The following DMXL2 variants were observed in gnomAD, a reference collection of about 807,000 sequenced individuals.
DMXL2 encodes Dmx like 2, also known as dmX-like protein 2.
DMXL2 carries 103 observed loss-of-function variants against 331.1 expected under a neutral mutation model. The observed-to-expected ratio is 0.31, with a 90% CI of 0.27 to 0.37. DMXL2 has a LOEUF of 0.37. DMXL2 is among the 10% of genes least tolerant of loss of function. DMXL2 has a pLI of 1.00. For synonymous variants in DMXL2, 1,281 were observed against 1,252.1 expected (o/e 1.02, Z -0.49); for missense variants, 3,171 against 3,642.9 (o/e 0.87, Z 3.33).
At chr15:51,573,435 T>C (rs914839007) in intron 2 of DMXL2, among the ~76,000 whole-genome samples, 6 of 152,064 alleles carry the variant, frequency 3.9e-5, no homozygotes, top group Non-Finnish European at 7.4e-5. Flanking sequence ...AGCAAAGACT[T>C]AGAACCAACC....
intron 6 of DMXL2, among the ~76,000 whole-genome samples, chr15:51,559,209 T>TG (rs1197692079): frequency 6.6e-6 from 1 of 152,168 alleles, no homozygotes; most frequent in Non-Finnish European, 1.5e-5. Context: ...GAGCAACTAA[T>TG]GGAGTGGGAG....
At position 51,499,089 on chromosome 15, in the gene DMXL2, C is replaced by T. The variant is rs928589877; in HGVS notation, c.4135G>A (p.Val1379Ile). The change falls in exon 18 of 44, where the codon GTA (valine) becomes ATA (isoleucine). Residue 1379 changes from valine to isoleucine, a missense_variant. Physicochemically the swap from Val to Ile is conservative, Grantham distance 29. Transcript: ENST00000560891. ...GCATCAGGATCTCTAACTATTGCTA[C>T]TTCACCTGCAATACATTTTACTAAA... is the stretch of plus-strand genomic sequence containing the variant. ...SHLVKCIAGE[V>I]AIVRDPDAGE... 7.4e-6 allele frequency: 12 copies of T among 1,613,880 alleles called. No individual in the cohort carries two copies. The highest frequency in any genetic ancestry group is 2.2e-5 in the East Asian group (1 of 44,888).
At chr15:51,554,489 T>G (rs1267889169) in intron 6 of DMXL2, among the ~76,000 whole-genome samples, 2 of 152,180 alleles carry the variant, frequency 1.3e-5, no homozygotes. Flanking sequence ...TCAAACTGTT[T>G]TTCCAGTGAT....
rs768131599 is a variant in DMXL2, at chr15:51,448,975, C to T, written c.*9G>A. The stretch of plus-strand genomic sequence containing the variant: ...AACTGAAATGTATATAAAAATAAAA[C>T]CCCAATCTTTATAGAATGTCAAGAA... On this transcript the variant is annotated 3_prime_UTR_variant, in exon 44 of 44. Coordinates refer to ENST00000560891, the MANE Select transcript of DMXL2 (RefSeq NM_001378457.1). 5 of 1,613,306 alleles carry T rather than the reference C, an allele frequency of 3.1e-6. No homozygotes were observed. The highest frequency in any genetic ancestry group is 1.7e-4 in the Middle Eastern group (1 of 6,058).
rs755270896 is a variant in DMXL2, at chr15:51,536,818, A to G, written c.1662T>C (p.Asp554=). 14 of 1,613,098 alleles carry G rather than the reference A, an allele frequency of 8.7e-6. No homozygotes were observed. The East Asian group carries it at 1.1e-4, about 13-fold the overall frequency. ...TGATATTTTTACTAAGAGAGCTTGC[A>G]TCACCAGAGGGAAATGCAACAGGAA... is the stretch of plus-strand genomic sequence containing the variant. ...SRIPVAFPSG[D]ASSLSKNIMM... Residue 554 remains aspartate (D), a synonymous_variant, in exon 12 of 44, where the codon GAT becomes GAC. Transcript: ENST00000560891.
intron 40 of DMXL2, chr15:51,454,077 G>A (rs1177013780): frequency 6.1e-6 from 1 of 163,460 alleles, no homozygotes; most frequent in Non-Finnish European, 1.3e-5. Context: ...AATTATAGTG[G>A]TACAGATCTG....
Position 51,481,251 on chromosome 15 carries a change from C to A in DMXL2, c.5855G>T (p.Trp1952Leu), listed in dbSNP as rs766902484. ...ATACTGTGATGAAGTTACATTTGAC[C>A]ATTCAATGCCAGAACTTCCATTGCC... Reference protein sequence around the residue: ...SDGNGSSGIEWSNVTSSQYDW... With the variant: ...SDGNGSSGIELSNVTSSQYDW... Residue 1952 changes from tryptophan (W) to leucine (L), a missense_variant, in exon 24 of 44, where the codon TGG becomes TTG. Coordinates refer to ENST00000560891, the MANE Select transcript of DMXL2 (RefSeq NM_001378457.1). 9 of 1,613,628 alleles carry A rather than the reference C, an allele frequency of 5.6e-6. No individual in the cohort carries two copies. The East Asian group carries it at 2.0e-4, about 36-fold the overall frequency.
Position 51,536,210 on chromosome 15 carries a change from G to A in DMXL2, c.2270C>T (p.Ser757Phe). ...RINSLHTSAF[S>F]NVAWLPTLIP... The stretch of plus-strand genomic sequence containing the variant: ...GAGAGTTGGAAGCCAAGCCACATTA[G>A]AGAACGCTGAGGTATGTAAAGAGTT... The change falls in exon 12 of 44, where the codon TCT becomes TTT. Residue 757 changes from serine to phenylalanine, a missense_variant. Coordinates refer to ENST00000560891, the MANE Select transcript of DMXL2 (RefSeq NM_001378457.1). 1 of 1,607,970 alleles carries A rather than the reference G, an allele frequency of 6.2e-7. No individual in the cohort carries two copies. The highest frequency in any genetic ancestry group is 8.5e-7 in the Non-Finnish European group (1 of 1,177,698).
chr15:51,493,284 A>C (rs1387538866), intron 19 of DMXL2, among the ~76,000 whole-genome samples: 2 of 152,190 alleles, frequency 1.3e-5, no homozygotes, highest in Non-Finnish European at 2.9e-5. Context: ...GATATAAAAT[A>C]TATAATATAA....
chr15:51,563,068 T>C (rs565896853), intron 6 of DMXL2, among the ~76,000 whole-genome samples: 15 of 152,184 alleles, frequency 9.9e-5, no homozygotes, highest in Middle Eastern at 3.2e-3. Context: ...CATCTTTTCA[T>C]TGTGAATCCA....
chr15:51,546,548 T>C (rs972543376), intron 7 of DMXL2, among the ~76,000 whole-genome samples: 2 of 152,096 alleles, frequency 1.3e-5, no homozygotes, highest in African/African-American at 2.4e-5. Flanking sequence ...ACAAACTAGA[T>C]TTCTAAGCAA....
At chr15:51,501,422 T>C (rs1343315826) in intron 17 of DMXL2, among the ~76,000 whole-genome samples, 8 of 152,190 alleles carry the variant, frequency 5.3e-5, no homozygotes, top group East Asian at 1.9e-4. Flanking sequence ...ACCCAAACTA[T>C]AGTCTTTTAT....
chr15:51,507,057 G>T, intron 16 of DMXL2, 77 bp downstream of exon 16: 1 of 1,205,278 alleles, frequency 8.3e-7, no homozygotes, highest in Non-Finnish European at 1.1e-6. Flanking sequence ...TCATTTTACA[G>T]AATTAACCAA....
intron 1 of DMXL2, among the ~76,000 whole-genome samples, chr15:51,601,290 C>CAAAAAAAAAAAAAAAAAAA (rs200188441): frequency 1.0e-5 from 1 of 96,594 alleles, no homozygotes; most frequent in African/African-American, 4.0e-5. Flanking sequence ...GACTCCATCT[C>CAAAAAAAAAAAAAAAAAAA]AAAAAAAAAA....
chr15:51,539,310 TAAC>T (rs2048460940), intron 9 of DMXL2, among the ~76,000 whole-genome samples: 2 of 152,278 alleles, frequency 1.3e-5, no homozygotes, highest in African/African-American at 4.8e-5. Context: ...GGCAAAATGT[TAAC>T]AACTGTTGAA....
rs749377248 is a variant in DMXL2, at chr15:51,480,053, T to C, written c.6651A>G (p.Thr2217=). The C allele has an allele frequency of 5.0e-6, 8 of 1,603,794 alleles. No homozygotes were observed. The South Asian group carries it at 6.7e-5, about 13-fold the overall frequency. Residue 2217 remains threonine (T), a synonymous_variant, in exon 25 of 44, where the codon ACA becomes ACG. Coordinates refer to ENST00000560891, the MANE Select transcript of DMXL2 (RefSeq NM_001378457.1). ...AGTACAATACAGGATTAGCTATGAC[T>C]GTTTTTGTTGACGCAATACTTGCTG... The part of the protein sequence containing the change: ...LLSASIASTK[T]VIANPVLYLN...
At chr15:51,611,943 T>G (rs961359790) in intron 1 of DMXL2, among the ~76,000 whole-genome samples, 1 of 152,196 alleles carries the variant, frequency 6.6e-6, no homozygotes, top group African/African-American at 2.4e-5. Context: ...CCACAGCCAG[T>G]AGCGGCAACC....
intron 17 of DMXL2, 76 bp from the exon 18 acceptor site, chr15:51,500,307 G>A (rs953995227): frequency 7.3e-7 from 1 of 1,377,410 alleles, no homozygotes. Context: ...ATCAAATTCT[G>A]GAATGTGATC....
intron 34 of DMXL2, 99 bp from the exon 35 acceptor site, chr15:51,458,894 TAGCAGCAGCAGCAGC>T (rs3830518): frequency 5.2e-6 from 4 of 772,644 alleles, no homozygotes; most frequent in Non-Finnish European, 8.5e-6. Flanking sequence ...GAAGAAAATG[TAGCAGCAGCAGCAGC>T]AGCAGCAGCA....
Sources: allele counts gnomAD v4.1 joint callset (sites outside exome capture counted in the v4.1 genomes callset), GRCh38; gene constraint gnomAD v4.1.1; transcripts MANE v1.5; gene names NCBI Gene and HGNC (gene_info 2026-07-23, HGNC 2026-07-21).